ADCY7: variants seen among roughly 807,000 people sequenced by gnomAD.
ADCY7 encodes adenylate cyclase type 7.
A neutral mutation model predicts 120.6 loss-of-function variants in ADCY7; 72 were observed. That is an observed-to-expected ratio of 0.60 (90% CI 0.49 to 0.73). The LOEUF (loss-of-function observed/expected upper bound fraction) is 0.73, where lower values mean the gene tolerates loss of function less well. Ranked by LOEUF, ADCY7 falls within the 30% of genes least tolerant of loss-of-function variation. ADCY7 has a pLI of 0.00. For synonymous variants in ADCY7, 661 were observed against 628.0 expected (o/e 1.05, Z -0.78); for missense variants, 1,227 against 1,486.0 (o/e 0.83, Z 2.87).
In ADCY7 at chr16:50,312,120, A is replaced by T. The variant is rs754185399; in HGVS notation, c.2533A>T (p.Asn845Tyr). ...HEEFETMENV[N>Y]RLLLENVLPA... is the part of the protein sequence containing the mutation. ...GGAGTTTGAGACCATGGAGAACGTG[A>T]ACCGCCTTCTTCTGGAGAACGTCCT... The change falls in exon 21 of 26, where the codon AAC becomes TAC. Residue 845 changes from asparagine to tyrosine, a missense_variant. Around this residue, in one of 5 missense-constraint regions of ADCY7, gnomAD observed 244 missense variants for 332.8 expected, o/e 0.73. Coordinates refer to ENST00000673801, the MANE Select transcript of ADCY7 (RefSeq NM_001114.5). 1 of 1,614,246 alleles carries T rather than the reference A, an allele frequency of 6.2e-7. No individual in the cohort carries two copies. The highest frequency in any genetic ancestry group is 1.1e-5 in the South Asian group (1 of 91,090).
At position 50,283,781 on chromosome 16, in the gene ADCY7, A is replaced by T. The variant is rs2034418000; in HGVS notation, c.-268-4131A>T. Among the ~76,000 whole-genome samples the T allele has an allele frequency of 2.0e-5, 3 of 152,162 alleles. No individual in the cohort carries two copies. In the South Asian group the frequency reaches 6.2e-4, roughly 32 times the overall value. ...TGCTCTTGGTGGCTTTGGAGTTCAG[A>T]CAGGACCCATGCGGTGTGGGTGAGG... On this transcript the variant is annotated intron_variant, in intron 1 of 25. Coordinates refer to ENST00000673801, the MANE Select transcript of ADCY7 (RefSeq NM_001114.5).
At position 50,266,623 on chromosome 16, in the gene ADCY7, G is replaced by A. The variant is rs1032621036; in HGVS notation, c.-326G>A. 1.3e-5 allele frequency: 2 copies of A among 153,842 alleles called. No individual in the cohort carries two copies. The highest frequency in any genetic ancestry group is 4.8e-5 in the African/African-American group (2 of 41,484). 9.5% of individuals were successfully genotyped at this position (153,842 alleles called of 1,614,324 possible). ...GCGCGTCTGAGGAAGGGCAGGCGGG[G>A]GCCGGGCCACCTCCCTGCAGACCCT... On this transcript the variant is annotated 5_prime_UTR_variant, in exon 1 of 26. Transcript: ENST00000673801.
intron 1 of ADCY7, among the ~76,000 whole-genome samples, chr16:50,267,553 A>G (rs574080706): frequency 6.6e-6 from 1 of 152,162 alleles, no homozygotes; most frequent in South Asian, 2.1e-4. Context: ...GGGCTATGTG[A>G]CCGTGGGCCT....
intron 1 of ADCY7, among the ~76,000 whole-genome samples, chr16:50,271,555 A>C (rs7193737): frequency 0.024 from 3,656 of 152,250 alleles, 148 homozygotes; most frequent in African/African-American, 0.083. Context: ...GTTCTAGAGC[A>C]CAGCCATCTG....
chr16:50,306,967 T>A, intron 14 of ADCY7, 83 bp from the exon 15 acceptor site: 1 of 1,127,296 alleles, frequency 8.9e-7, no homozygotes, highest in Non-Finnish European at 1.3e-6. Context: ...AGGGAGGTGT[T>A]TTTTTTAAAG....
At position 50,311,799 on chromosome 16, in the gene ADCY7, G is replaced by GCCCCC; in HGVS notation, c.2448+25_2448+29dup. On this transcript the variant is annotated intron_variant, in intron 20 of 25. Coordinates refer to ENST00000673801, the MANE Select transcript of ADCY7 (RefSeq NM_001114.5). ...ACTCTCCAGACAGGTAAGGAGGCTG[G>GCCCCC]CCCCCCCCCCCCCCCCAAGCTCTGC... 3.4e-6 allele frequency: 3 copies of GCCCCC among 893,476 alleles called. No homozygotes were observed. Among genetic ancestry groups the GCCCCC allele is most frequent in the Non-Finnish European group, 3.1e-6 (2 of 642,280 alleles). 55.3% of individuals were successfully genotyped at this position (893,476 alleles called of 1,614,324 possible).
intron 13 of ADCY7, 38 bp from the exon 14 acceptor site, chr16:50,305,739 C>T (rs763427845): frequency 8.2e-6 from 13 of 1,580,318 alleles, no homozygotes; most frequent in Non-Finnish European, 1.1e-5. Context: ...TGGACCCCTT[C>T]CCAGCCCCCA....
intron 1 of ADCY7, among the ~76,000 whole-genome samples, chr16:50,284,240 G>A (rs898252491): frequency 1.3e-5 from 2 of 152,286 alleles, no homozygotes; most frequent in East Asian, 1.9e-4. Flanking sequence ...CACGGTGCCC[G>A]GCTTGTTCCA....
chr16:50,313,685 T>C (rs1326109572), intron 22 of ADCY7: 1 of 408,022 alleles, frequency 2.5e-6, no homozygotes, highest in African/African-American at 2.0e-5. Flanking sequence ...TCTACATTCC[T>C]GTGTAGATAA....
At position 50,311,858 on chromosome 16, in the gene ADCY7, G is replaced by A. The variant is rs533755707; in HGVS notation, c.2448+72G>A. Reference sequence around the variant, plus strand: ...CCTCACCTCCATCTGGAGATGGGGTGGGGTGGGGTGGGCTCAGGTGGAGTA... The same window carrying A: ...CCTCACCTCCATCTGGAGATGGGGTAGGGTGGGGTGGGCTCAGGTGGAGTA... On this transcript the variant is annotated intron_variant, in intron 20 of 25. Coordinates refer to ENST00000673801, the MANE Select transcript of ADCY7 (RefSeq NM_001114.5). 9.0e-4 allele frequency: 1,231 copies of A among 1,375,030 alleles called. 1 individual carries two copies. The highest frequency in any genetic ancestry group is 1.7e-3 in the Admixed American group (102 of 59,224). 85.2% of individuals were successfully genotyped at this position (1,375,030 alleles called of 1,614,324 possible).
intron 12 of ADCY7, 31 bp from the exon 13 acceptor site, chr16:50,305,472 T>C: frequency 1.2e-6 from 2 of 1,601,784 alleles, no homozygotes; most frequent in Non-Finnish European, 1.7e-6. Flanking sequence ...GTGGTCGCTG[T>C]GCTGATGCAG....
At chr16:50,314,096 T>C (rs1184243500) in intron 23 of ADCY7, 34 bp downstream of exon 23, 2 of 1,594,984 alleles carry the variant, frequency 1.3e-6, no homozygotes, top group South Asian at 1.1e-5. Flanking sequence ...TTCAGCTGAC[T>C]GTCCTCACTT....
chr16:50,304,843 G>A (rs2035957778), intron 11 of ADCY7, 82 bp from the exon 12 acceptor site: 4 of 1,573,634 alleles, frequency 2.5e-6, no homozygotes, highest in African/African-American at 1.3e-5. Flanking sequence ...AAGTGCCGGA[G>A]GGGCTGAACC....
At chr16:50,267,061 A>G (rs1008254672) in intron 1 of ADCY7, among the ~76,000 whole-genome samples, 4 of 152,252 alleles carry the variant, frequency 2.6e-5, no homozygotes, top group Non-Finnish European at 5.9e-5. Flanking sequence ...TCTCAATGAA[A>G]GGAAACATTG....
At chr16:50,271,300 G>A (rs2033556607) in intron 1 of ADCY7, among the ~76,000 whole-genome samples, 1 of 152,166 alleles carries the variant, frequency 6.6e-6, no homozygotes, top group Non-Finnish European at 1.5e-5. Flanking sequence ...GGGGTACAGT[G>A]GCCTGGTCAT....
chr16:50,270,827 C>T (rs1407138984), intron 1 of ADCY7, among the ~76,000 whole-genome samples: 1 of 152,236 alleles, frequency 6.6e-6, no homozygotes, highest in Non-Finnish European at 1.5e-5. Flanking sequence ...TTCCCAGGCA[C>T]CTGACACTGG....
rs748018049 is a variant in ADCY7 at position 50,305,773 on chromosome 16, A to G, written c.1680-4A>G. On this transcript the variant is annotated splice_region_variant and splice_polypyrimidine_tract_variant and intron_variant, in intron 13 of 25. Coordinates refer to ENST00000673801, the MANE Select transcript of ADCY7 (RefSeq NM_001114.5). ...CATCTCACCGCAGCTGCCCCCGCCCACAGGCCCTGCTGCTCCAAGTCCGAT... is the reference window on the plus strand; with the variant it reads ...CATCTCACCGCAGCTGCCCCCGCCCGCAGGCCCTGCTGCTCCAAGTCCGAT... The G allele has an allele frequency of 6.2e-7, 1 of 1,613,650 alleles. No individual in the cohort carries two copies. Among genetic ancestry groups the G allele is most frequent in the Non-Finnish European group, 8.5e-7 (1 of 1,179,842 alleles).
intron 1 of ADCY7, among the ~76,000 whole-genome samples, chr16:50,279,264 G>T (rs1040046324): frequency 1.3e-5 from 2 of 152,226 alleles, no homozygotes; most frequent in African/African-American, 4.8e-5. Flanking sequence ...AATGTGGGAA[G>T]TCAGCCAGCA....
chr16:50,291,148 T>C (rs984265317), intron 3 of ADCY7, among the ~76,000 whole-genome samples: 2 of 152,190 alleles, frequency 1.3e-5, no homozygotes, highest in East Asian at 1.9e-4. Context: ...GCTGTGGTCA[T>C]GGGCCCAGTC....
Sources: allele counts gnomAD v4.1 joint callset (sites outside exome capture counted in the v4.1 genomes callset), GRCh38; gene constraint gnomAD v4.1.1; regional missense constraint gnomAD v4.1.1; transcripts MANE v1.5; gene names NCBI Gene and HGNC (gene_info 2026-07-23, HGNC 2026-07-21).